NQO2: variants seen among roughly 807,000 people sequenced by gnomAD.
The protein encoded by NQO2 is N-ribosyldihydronicotinamide:quinone dehydrogenase 2.
A neutral mutation model predicts 22.0 loss-of-function variants in NQO2; 18 were observed. That is an observed-to-expected ratio of 0.82 (90% CI 0.56 to 1.21). NQO2 has a LOEUF of 1.21. Ranked by LOEUF, NQO2 falls within the 50% of genes most tolerant of loss-of-function variation. The pLI is 0.00. For missense variants in NQO2, 267 were observed against 286.9 expected (o/e 0.93, Z 0.50); for synonymous variants, 106 against 110.8 (o/e 0.96, Z 0.28).
chr6:3,017,534 C>T (rs1321832567), intron 6 of NQO2, among the ~76,000 whole-genome samples: 1 of 152,362 alleles, frequency 6.6e-6, no homozygotes, highest in African/African-American at 2.4e-5. Context: ...CCGCAGGCCC[C>T]TCCCAGGCCT....
Position 3,015,528 on chromosome 6 carries a change from A to G in NQO2, c.304-2A>G. ...GTTTCTCTTTGGTGTTGCCGCCCAC[A>G]GTTCCCGCTGTACTGGTTCAGCGTG... On this transcript the variant is annotated splice_acceptor_variant, in intron 4 of 6. Transcript: ENST00000380455. LOFTEE classifies it high-confidence loss of function. 1 of 1,612,518 alleles carries G rather than the reference A, an allele frequency of 6.2e-7. No homozygotes were observed. Among genetic ancestry groups the G allele is most frequent in the African/African-American group, 1.3e-5 (1 of 74,964 alleles).
chr6:3,016,712 C>T (rs1355755319), intron 5 of NQO2, 172 bp from the exon 6 acceptor site: 1 of 976,458 alleles, frequency 1.0e-6, no homozygotes, highest in Non-Finnish European at 1.2e-6. Flanking sequence ...TCTCCTCCTC[C>T]TCTTGGGATG....
Position 3,000,069 on chromosome 6 carries a change from A to G in NQO2, c.-102A>G, listed in dbSNP as rs2071002. 6.6e-6 allele frequency: 1 copy of G among 152,302 alleles called. No individual in the cohort carries two copies. The highest frequency in any genetic ancestry group is 2.4e-5 in the African/African-American group (1 of 41,390). 9.4% of individuals were successfully genotyped at this position (152,302 alleles called of 1,614,324 possible). A position where few individuals can be genotyped will look rare whatever the true frequency, so the allele number is the denominator to read the frequency against. ...CCCAGTCCTGCGGCTCCTACTGGGG[A>G]GTGCGCTGGTCGGAAGGTGAGTGAT... On this transcript the variant is annotated 5_prime_UTR_variant, in exon 1 of 7. Transcript: ENST00000380455.
chr6:3,015,578 G>A lies in NQO2; in HGVS notation c.352G>A (p.Asp118Asn). The change falls in exon 5 of 7, where the codon GAT becomes AAT. Residue 118 changes from aspartate (D) to asparagine (N), a missense_variant. Coordinates refer to ENST00000380455, the MANE Select transcript of NQO2 (RefSeq NM_000904.6). ...SVPAILKGWM[D>N]RVLCQGFAFD... ...GCCAGCCATCCTGAAGGGCTGGATG[G>A]ATAGGGTGCTGTGCCAGGGCTTTGC... 2.5e-6 allele frequency: 4 copies of A among 1,614,218 alleles called. No homozygotes were observed. The highest frequency in any genetic ancestry group is 3.4e-6 in the Non-Finnish European group (4 of 1,180,032).
intron 2 of NQO2, among the ~76,000 whole-genome samples, chr6:3,009,041 G>A (rs1044927652): frequency 7.9e-5 from 12 of 152,192 alleles, no homozygotes; most frequent in Admixed American, 7.2e-4. Context: ...GGGTTTGAGA[G>A]CAGACAACCG....
chr6:3,016,570 T>A (rs1001997823), intron 5 of NQO2, among the ~76,000 whole-genome samples: 5 of 152,210 alleles, frequency 3.3e-5, no homozygotes, highest in African/African-American at 7.2e-5. Flanking sequence ...CAGCCCTGTG[T>A]GCTGGGAACC....
rs1258984201 is a variant in NQO2, at chr6:3,019,359, G to T, written c.520-120G>T. ...AGCTTTCAGTTGCCTGTAACATTAA[G>T]GTTGTTTCATGATTTTTTGAAGGTT... On this transcript the variant is annotated intron_variant, in intron 6 of 6. Coordinates refer to ENST00000380455, the MANE Select transcript of NQO2 (RefSeq NM_000904.6). 3.4e-6 allele frequency: 5 copies of T among 1,452,076 alleles called. No homozygotes were observed. In the East Asian group the frequency reaches 1.2e-4, roughly 34 times the overall value. 89.9% of individuals were successfully genotyped at this position (1,452,076 alleles called of 1,614,324 possible).
At chr6:3,005,848 AGGGGTGGAGGGATGTGCTGCAG>A in intron 1 of NQO2, 4 of 973,620 alleles carry the variant, frequency 4.1e-6, no homozygotes, top group Non-Finnish European at 4.9e-6. Flanking sequence ...TGAGGCACAG[AGGGGTGGAGGGATGTGCTGCAG>A]GGCCCACAGC....
At chr6:3,012,825 A>ACACCTAGTTACAACATTT in intron 4 of NQO2, 151 bp downstream of exon 4, 1 of 734,436 alleles carries the variant, frequency 1.4e-6, no homozygotes, top group Non-Finnish European at 2.2e-6. Flanking sequence ...CCTGGTTACA[A>ACACCTAGTTACAACATTT]CACCTAGTTA....
At chr6:3,017,740 A>G (rs58218000) in intron 6 of NQO2, among the ~76,000 whole-genome samples, 8,515 of 152,166 alleles carry the variant, frequency 0.056, 384 homozygotes, top group African/African-American at 0.12. Context: ...GGCTCCAGGG[A>G]ACCCAGAAAC....
In NQO2 at chr6:3,019,678, G is replaced by A. The variant is rs745598139; in HGVS notation, c.*23G>A. On this transcript the variant is annotated 3_prime_UTR_variant, in exon 7 of 7. Transcript: ENST00000380455. ...TAACTCTGTGGCACGTGGGCATCACGTAAGCAGCACACTAGGAGGCCCAGG... is the reference window on the plus strand; with the variant it reads ...TAACTCTGTGGCACGTGGGCATCACATAAGCAGCACACTAGGAGGCCCAGG... 72 of 1,576,762 alleles carry A rather than the reference G, an allele frequency of 4.6e-5. No individual in the cohort carries two copies. The highest frequency in any genetic ancestry group is 8.1e-5 in the African/African-American group (6 of 74,098).
intron 6 of NQO2, among the ~76,000 whole-genome samples, chr6:3,017,905 A>G (rs943476174): frequency 1.3e-5 from 2 of 152,064 alleles, no homozygotes; most frequent in East Asian, 1.9e-4. Context: ...CCCATGTCCT[A>G]TTGGTTTGGT....
At chr6:3,013,688 C>T (rs1244918470) in intron 4 of NQO2, among the ~76,000 whole-genome samples, 1 of 152,146 alleles carries the variant, frequency 6.6e-6, no homozygotes, top group Admixed American at 6.5e-5. Flanking sequence ...GGAGTGCTGA[C>T]TCATCAGGCC....
At position 3,006,952 on chromosome 6, in the gene NQO2, A is replaced by G. The variant is rs551432669; in HGVS notation, c.7+393A>G. 19 of 405,976 alleles carry G rather than the reference A, an allele frequency of 4.7e-5. No homozygotes were observed. The highest frequency in any genetic ancestry group is 6.2e-4 in the Middle Eastern group (1 of 1,604). The allele number at this position is 405,976 out of a possible 1,614,324, so 25.1% of individuals were successfully genotyped here. ...GCATCTTGGGTAAAAATTCAGTACG[A>G]TTCTATCTTTGCTTTTGCAACTGCT... is the stretch of plus-strand genomic sequence containing the variant. On this transcript the variant is annotated intron_variant, in intron 2 of 6. Transcript: ENST00000380455. This position sits in a 1 kb window ranked among gnomAD's most constrained non-coding sequence, Gnocchi z 4.0.
chr6:3,012,635 G>C lies in NQO2; in HGVS notation c.264G>C (p.Glu88Asp). The change falls in exon 4 of 7, where the codon GAG becomes GAC. Residue 88 changes from glutamate to aspartate, a missense_variant. Physicochemically the swap from Glu to Asp is conservative, Grantham distance 45. Coordinates refer to ENST00000380455, the MANE Select transcript of NQO2 (RefSeq NM_000904.6). ...CTCTGGCTAGCGACATCACTGATGAGCAGAAAAAGGTTCGGGAGGCTGACC... is the reference window on the plus strand; with the variant it reads ...CTCTGGCTAGCGACATCACTGATGACCAGAAAAAGGTTCGGGAGGCTGACC... Reference protein sequence around the residue: ...QRSLASDITDEQKKVREADLV... With the variant: ...QRSLASDITDDQKKVREADLV... 6.2e-7 allele frequency: 1 copy of C among 1,613,946 alleles called. No individual in the cohort carries two copies.
At chr6:3,012,371 C>T (rs1040763702) in intron 3 of NQO2, 173 bp from the exon 4 acceptor site, 3 of 985,190 alleles carry the variant, frequency 3.0e-6, no homozygotes, top group South Asian at 4.7e-5. Flanking sequence ...CAGCAGCCCT[C>T]CCAGACTGCT....
At chr6:3,017,942 C>T (rs1425671276) in intron 6 of NQO2, among the ~76,000 whole-genome samples, 1 of 152,162 alleles carries the variant, frequency 6.6e-6, no homozygotes, top group Non-Finnish European at 1.5e-5. Flanking sequence ...TTTGTCAGTG[C>T]TCTTCATATA....
chr6:3,005,304 A>G (rs1756910610), intron 1 of NQO2, among the ~76,000 whole-genome samples: 1 of 152,054 alleles, frequency 6.6e-6, no homozygotes, highest in South Asian at 2.1e-4. Context: ...CATTTTTCTA[A>G]TTGTAATTTT....
chr6:3,001,910 A>C (rs1057168352), intron 1 of NQO2: 9 of 152,218 alleles, frequency 5.9e-5, no homozygotes, highest in African/African-American at 2.2e-4. Flanking sequence ...GTGAACAGTG[A>C]CACAACTGCA....
Sources: allele counts gnomAD v4.1 joint callset (sites outside exome capture counted in the v4.1 genomes callset), GRCh38; gene constraint gnomAD v4.1.1; non-coding constraint Gnocchi (gnomAD v3.1); transcripts MANE v1.5; gene names NCBI Gene and HGNC (gene_info 2026-07-23, HGNC 2026-07-21).